Variants in PLS1 observed in about 807,000 individuals in gnomAD.
PLS1 encodes plastin 1, also known as plastin-1.
A neutral mutation model predicts 73.7 loss-of-function variants in PLS1; 32 were observed. The observed-to-expected ratio is 0.43, with a 90% CI of 0.33 to 0.58. The LOEUF is 0.58. Among genes scored for constraint, PLS1 ranks in the 20% least tolerant of loss-of-function variants. The pLI is 0.04. For missense variants in PLS1, 633 were observed against 740.5 expected (o/e 0.85, Z 1.68); for synonymous variants, 217 against 261.3 (o/e 0.83, Z 1.63).
chr3:142,711,721 A>T (rs1933136518), intron 15 of PLS1, 96 bp downstream of exon 15: 1 of 1,308,918 alleles, frequency 7.6e-7, no homozygotes, highest in Non-Finnish European at 1.1e-6. Flanking sequence ...CATATTTTTA[A>T]ATATAACTTA....
chr3:142,710,167 CTTTT>C (rs201238880), intron 14 of PLS1, among the ~76,000 whole-genome samples: 47 of 131,612 alleles, frequency 3.6e-4, no homozygotes, highest in African/African-American at 1.3e-3. Context: ...ATTCAGGACT[CTTTT>C]TTTTTTTTTT....
Position 142,689,758 on chromosome 3 carries a change from A to T in PLS1, c.1122A>T (p.Thr374=). The T allele has an allele frequency of 6.2e-7, 1 of 1,610,142 alleles. No individual in the cohort carries two copies. Among genetic ancestry groups the T allele is most frequent in the East Asian group, 2.2e-5 (1 of 44,658 alleles). Residue 374 remains threonine (T), a synonymous_variant, in exon 10 of 16, where the codon ACA becomes ACT. Coordinates refer to ENST00000457734, the MANE Select transcript of PLS1 (RefSeq NM_001145319.2). ...CTTTTGTAGCTAATTTGTTTAACACATACCCGTGCCTGCACAAGCCGAATA... is the reference window on the plus strand; with the variant it reads ...CTTTTGTAGCTAATTTGTTTAACACTTACCCGTGCCTGCACAAGCCGAATA... ...NLAFVANLFN[T]YPCLHKPNNN... is the part of the protein sequence containing the mutation.
chr3:142,652,820 C>T (rs568621444), intron 1 of PLS1, among the ~76,000 whole-genome samples: 2 of 152,280 alleles, frequency 1.3e-5, no homozygotes, highest in African/African-American at 4.8e-5. Context: ...GCTGATTTAA[C>T]CATTCAGTAA....
chr3:142,695,485 ATACGTCAAT>A (rs1208338862), intron 11 of PLS1, among the ~76,000 whole-genome samples: 1 of 152,236 alleles, frequency 6.6e-6, no homozygotes, highest in Non-Finnish European at 1.5e-5. Context: ...ATGAGGAGAT[ATACGTCAAT>A]TAGACCAGAG....
intron 12 of PLS1, among the ~76,000 whole-genome samples, chr3:142,701,621 G>A (rs2038333788): frequency 6.6e-6 from 1 of 152,126 alleles, no homozygotes; most frequent in African/African-American, 2.4e-5. Flanking sequence ...GCCCATAAAA[G>A]AATATATGCT....
At chr3:142,698,130 G>C in intron 12 of PLS1, 63 bp downstream of exon 12, 1 of 959,598 alleles carries the variant, frequency 1.0e-6, no homozygotes, top group Non-Finnish European at 1.7e-6. Context: ...AGAATTTAGA[G>C]TTTCATGAAG....
chr3:142,689,944 AAAATT>A, intron 10 of PLS1, 131 bp downstream of exon 10: 1 of 488,608 alleles, frequency 2.0e-6, no homozygotes, highest in South Asian at 6.2e-5. Context: ...TATCTATTGA[AAAATT>A]AAAATTATGG....
At chr3:142,695,746 T>C (rs1212365824) in intron 11 of PLS1, among the ~76,000 whole-genome samples, 1 of 150,608 alleles carries the variant, frequency 6.6e-6, no homozygotes, top group South Asian at 2.1e-4. Flanking sequence ...GAGTAGAGAA[T>C]AGTAAGGAGA....
chr3:142,662,323 A>G (rs1465103138), intron 1 of PLS1, among the ~76,000 whole-genome samples: 5 of 152,184 alleles, frequency 3.3e-5, no homozygotes, highest in Non-Finnish European at 7.3e-5. Flanking sequence ...ACGGAAAACC[A>G]TTCTCACTCT....
chr3:142,658,073 C>G (rs901427063), intron 1 of PLS1, among the ~76,000 whole-genome samples: 3 of 152,012 alleles, frequency 2.0e-5, no homozygotes, highest in Non-Finnish European at 2.9e-5. Context: ...TTATTTAAAG[C>G]AAAAGACTAA....
chr3:142,625,558 A>T (rs1279071472), intron 1 of PLS1, among the ~76,000 whole-genome samples: 1 of 152,142 alleles, frequency 6.6e-6, no homozygotes, highest in Non-Finnish European at 1.5e-5. Flanking sequence ...TTTTTAGCTC[A>T]TCAGTAACAA....
chr3:142,709,816 CAAA>C (rs11438304), intron 14 of PLS1, among the ~76,000 whole-genome samples: 10 of 140,604 alleles, frequency 7.1e-5, no homozygotes, highest in African/African-American at 1.0e-4. Flanking sequence ...GACTCTGCGT[CAAA>C]AAAAAAAAAA....
intron 1 of PLS1, among the ~76,000 whole-genome samples, chr3:142,650,408 T>G (rs2037061340): frequency 6.6e-6 from 1 of 151,882 alleles, no homozygotes; most frequent in Admixed American, 6.6e-5. Context: ...TTTGGCTTCT[T>G]CTTAGCCTTG....
chr3:142,636,926 A>G (rs771442153), intron 1 of PLS1, among the ~76,000 whole-genome samples: 4 of 152,220 alleles, frequency 2.6e-5, no homozygotes, highest in Non-Finnish European at 5.9e-5. Context: ...GTGTTGGTGA[A>G]TATGTGGAGG....
chr3:142,663,288 G>C (rs1189918936), intron 1 of PLS1, among the ~76,000 whole-genome samples: 1 of 152,152 alleles, frequency 6.6e-6, no homozygotes, highest in Non-Finnish European at 1.5e-5. Flanking sequence ...TTTCTGGATA[G>C]AAGGATTATG....
intron 1 of PLS1, among the ~76,000 whole-genome samples, chr3:142,635,156 A>G (rs546642345): frequency 2.0e-5 from 3 of 152,114 alleles, no homozygotes; most frequent in Non-Finnish European, 4.4e-5. Context: ...AAAAATGTGT[A>G]TGCTATAAAT....
chr3:142,610,538 A>AT lies in PLS1; in HGVS notation c.-37+14035dup, dbSNP rs562394487. Among the ~76,000 whole-genome samples the AT allele has an allele frequency of 3.4e-3, 514 of 152,236 alleles. 5 individuals are homozygous for AT. In the Middle Eastern group the frequency reaches 0.044, roughly 13 times the overall value. On this transcript the variant is annotated intron_variant, in intron 1 of 15. Transcript: ENST00000457734. ...GCCCATAGGATGTTTTTTTAATATA[A>AT]TTTTTTCCCAAATGAATTTTCCTGT... is the stretch of plus-strand genomic sequence containing the variant.
rs10631186 is a variant in PLS1 at position 142,704,635 on chromosome 3, A to ATTTTTTT, written c.1629+73_1629+79dup. 2.4e-3 allele frequency: 629 copies of ATTTTTTT among 261,854 alleles called. 31 individuals are homozygous for ATTTTTTT. Among genetic ancestry groups the ATTTTTTT allele is most frequent in the African/African-American group, 0.011 (220 of 20,652 alleles). 16.2% of individuals were successfully genotyped at this position (261,854 alleles called of 1,614,324 possible). A position where few individuals can be genotyped will look rare whatever the true frequency, so the allele number is the denominator to read the frequency against. ...TTTTTTTTTGTAGGTATAGGAAGGA[A>ATTTTTTT]TTTTTTTTTTTTTTTTTTTTTTTTT... On this transcript the variant is annotated intron_variant, in intron 14 of 15. Transcript: ENST00000457734.
chr3:142,655,865 A>C lies in PLS1; in HGVS notation c.-36-8337A>C, dbSNP rs558889115. Among the ~76,000 whole-genome samples the C allele has an allele frequency of 4.6e-5, 7 of 152,252 alleles. No individual in the cohort carries two copies. In the East Asian group the frequency reaches 1.4e-3, roughly 29 times the overall value. Reference sequence around the variant, plus strand: ...TCGAGGTCTCTAGGATTGTCTAAGCATGTGGGAAATTATTTTATGTGTTTG... The same window carrying C: ...TCGAGGTCTCTAGGATTGTCTAAGCCTGTGGGAAATTATTTTATGTGTTTG... On this transcript the variant is annotated intron_variant, in intron 1 of 15. Transcript: ENST00000457734.
Sources: gnomAD v4.1 joint callset for allele counts (sites outside exome capture counted in the v4.1 genomes callset) on GRCh38, gnomAD v4.1.1 for gene constraint, MANE v1.5 for transcripts, NCBI Gene and HGNC (gene_info 2026-07-23, HGNC 2026-07-21) for gene names.